The following RBFOX1 variants were observed in gnomAD, a reference collection of about 807,000 sequenced individuals.
RBFOX1 encodes RNA binding protein fox-1 homolog 1.
A neutral mutation model predicts 57.7 loss-of-function variants in RBFOX1; 8 were observed. The ratio of observed to expected loss-of-function variants is 0.14; its 90% CI spans 0.08 to 0.25. The LOEUF is 0.25. Ranked by LOEUF, RBFOX1 falls within the 10% of genes least tolerant of loss-of-function variation. The pLI, the probability that RBFOX1 is intolerant of heterozygous loss-of-function variation, is 1.00. For synonymous variants in RBFOX1, 326 were observed against 222.4 expected (o/e 1.47, Z -4.15); for missense variants, 611 against 548.5 (o/e 1.11, Z -1.14).
At chr16:7,482,806 C>T (rs748076727) in intron 4 of RBFOX1, among the ~76,000 whole-genome samples, 2 of 152,038 alleles carry the variant, frequency 1.3e-5, no homozygotes, top group South Asian at 4.2e-4. Context: ...ATGAGTCCTC[C>T]CACAAGCTCG....
At chr16:6,806,598 G>T (rs2086816903) in intron 3 of RBFOX1, among the ~76,000 whole-genome samples, 1 of 151,772 alleles carries the variant, frequency 6.6e-6, no homozygotes, top group Admixed American at 6.6e-5. Flanking sequence ...CAGCAAATTT[G>T]ATCACATCAT....
chr16:5,898,141 G>T (rs1258436506), intron 4 of RBFOX1, among the ~76,000 whole-genome samples: 1 of 152,084 alleles, frequency 6.6e-6, no homozygotes, highest in African/African-American at 2.4e-5. Context: ...GAAGTGTCAA[G>T]CAAAAGCAGG....
At chr16:7,437,028 C>A (rs539141657) in intron 4 of RBFOX1, among the ~76,000 whole-genome samples, 1 of 152,130 alleles carries the variant, frequency 6.6e-6, no homozygotes, top group Non-Finnish European at 1.5e-5. Context: ...TTGCAGTAAG[C>A]CAAGATCACA....
intron 3 of RBFOX1, among the ~76,000 whole-genome samples, chr16:7,025,034 C>G (rs1328916687): frequency 2.6e-5 from 4 of 152,142 alleles, no homozygotes; most frequent in African/African-American, 7.2e-5. Flanking sequence ...AGAGAGCGTT[C>G]TCAGATCTCC....
At chr16:6,687,093 T>C (rs539836836) in intron 3 of RBFOX1, among the ~76,000 whole-genome samples, 1 of 152,204 alleles carries the variant, frequency 6.6e-6, no homozygotes, top group South Asian at 2.1e-4. Flanking sequence ...AGAATCACAC[T>C]TACAGATGAA....
chr16:6,056,113 C>T (rs747915949), intron 1 of RBFOX1, among the ~76,000 whole-genome samples: 4 of 152,054 alleles, frequency 2.6e-5, no homozygotes, highest in Non-Finnish European at 5.9e-5. Context: ...CCAGTATAAA[C>T]GGCGGGAAAA....
intron 3 of RBFOX1, among the ~76,000 whole-genome samples, chr16:5,761,256 A>G (rs1362290416): frequency 6.6e-6 from 1 of 152,218 alleles, no homozygotes; most frequent in Admixed American, 6.5e-5. Flanking sequence ...AGAGTAATAT[A>G]GAAGCAGAAA....
intron 1 of RBFOX1, among the ~76,000 whole-genome samples, chr16:6,303,045 C>G (rs1380962952): frequency 1.3e-5 from 2 of 152,238 alleles, no homozygotes; most frequent in East Asian, 3.9e-4. Context: ...GCTTGAGGTT[C>G]TTATTCTTAA....
chr16:5,929,707 G>GT (rs567267256), intron 4 of RBFOX1, among the ~76,000 whole-genome samples: 34 of 151,990 alleles, frequency 2.2e-4, no homozygotes, highest in Non-Finnish European at 4.4e-4. Context: ...CTGAGCATCT[G>GT]TTTTTTTTAT....
At chr16:6,172,593 G>A (rs2096969753) in intron 1 of RBFOX1, among the ~76,000 whole-genome samples, 1 of 150,798 alleles carries the variant, frequency 6.6e-6, no homozygotes, top group South Asian at 2.1e-4. Context: ...TGCAGCCTCA[G>A]TGGTGGACTT....
At chr16:6,935,793 A>C (rs746391600) in intron 3 of RBFOX1, among the ~76,000 whole-genome samples, 1 of 152,214 alleles carries the variant, frequency 6.6e-6, no homozygotes, top group Non-Finnish European at 1.5e-5. Context: ...TGTCAAGCAC[A>C]GAGCATGCAT....
intron 3 of RBFOX1, among the ~76,000 whole-genome samples, chr16:6,786,533 G>C (rs887155980): frequency 1.3e-5 from 2 of 152,090 alleles, no homozygotes; most frequent in East Asian, 1.9e-4. Flanking sequence ...ACAGAGTTCA[G>C]AGATCCTGGA....
At chr16:5,546,299 G>T (rs1159009859) in intron 2 of RBFOX1, among the ~76,000 whole-genome samples, 7 of 152,080 alleles carry the variant, frequency 4.6e-5, no homozygotes, top group Non-Finnish European at 8.8e-5. Flanking sequence ...AGGCTTTTTT[G>T]CGGGGTGGAA....
At chr16:5,537,814 T>A (rs1236957098) in intron 2 of RBFOX1, among the ~76,000 whole-genome samples, 1 of 152,194 alleles carries the variant, frequency 6.6e-6, no homozygotes, top group African/African-American at 2.4e-5. Flanking sequence ...TCCAAGATAA[T>A]CTCCTTCTCT....
At chr16:5,461,548 A>G (rs555288112) in intron 1 of RBFOX1, among the ~76,000 whole-genome samples, 69 of 152,318 alleles carry the variant, frequency 4.5e-4, no homozygotes, top group African/African-American at 1.6e-3. Context: ...TTTAAAGCCT[A>G]TTGGGACATT....
intron 2 of RBFOX1, among the ~76,000 whole-genome samples, chr16:6,554,159 C>T (rs1318644282): frequency 1.3e-5 from 2 of 152,164 alleles, no homozygotes; most frequent in Non-Finnish European, 2.9e-5. Flanking sequence ...GCACAAGAAA[C>T]CATCTTACAT....
At chr16:7,151,795 G>C (rs1488752337) in intron 4 of RBFOX1, among the ~76,000 whole-genome samples, 3 of 151,972 alleles carry the variant, frequency 2.0e-5, no homozygotes, top group Non-Finnish European at 4.4e-5. Flanking sequence ...AGATCATCAG[G>C]CATTAGATTC....
intron 3 of RBFOX1, among the ~76,000 whole-genome samples, chr16:6,898,010 G>T (rs1168485222): frequency 6.6e-6 from 1 of 152,108 alleles, no homozygotes; most frequent in East Asian, 1.9e-4. Flanking sequence ...GCTCCACATG[G>T]ACAAGAGACC....
intron 2 of RBFOX1, among the ~76,000 whole-genome samples, chr16:6,518,379 C>G (rs1567529396): frequency 6.6e-6 from 1 of 151,906 alleles, no homozygotes; most frequent in South Asian, 2.1e-4. Flanking sequence ...CTGTGGGTGT[C>G]AAGTTGGGGG....
Sources: allele counts gnomAD v4.1 joint callset (sites outside exome capture counted in the v4.1 genomes callset), GRCh38; gene constraint gnomAD v4.1.1; transcripts MANE v1.5; gene names NCBI Gene and HGNC (gene_info 2026-07-23, HGNC 2026-07-21).